MELK: variants seen among roughly 807,000 people sequenced by gnomAD.
MELK encodes the protein pEg3 kinase.
MELK carries 81 observed loss-of-function variants against 85.0 expected under a neutral mutation model. The observed-to-expected ratio is 0.95, with a 90% CI of 0.80 to 1.15. The LOEUF (loss-of-function observed/expected upper bound fraction) is 1.15, where lower values mean the gene tolerates loss of function less well. Ranked by LOEUF, MELK falls within the 50% of genes most tolerant of loss-of-function variation. The probability of loss-of-function intolerance (pLI) is 0.00; values close to 1 mark genes in which losing one functional copy is unlikely to be tolerated. For missense variants in MELK, 754 were observed against 777.5 expected (o/e 0.97, Z 0.36); for synonymous variants, 252 against 265.0 (o/e 0.95, Z 0.48).
chr9:36,659,128 G>T (rs1029298985), intron 13 of MELK, among the ~76,000 whole-genome samples: 3 of 152,018 alleles, frequency 2.0e-5, no homozygotes, highest in Admixed American at 1.3e-4. Context: ...TGATCCGCCC[G>T]CCTCGGCCTC....
At chr9:36,601,433 G>C (rs1246202603) in intron 7 of MELK, among the ~76,000 whole-genome samples, 1 of 152,024 alleles carries the variant, frequency 6.6e-6, no homozygotes, top group South Asian at 2.1e-4. Flanking sequence ...ATTAGATTCA[G>C]GTTATGTATT....
At chr9:36,607,907 T>G (rs1825712444) in intron 8 of MELK, among the ~76,000 whole-genome samples, 1 of 152,188 alleles carries the variant, frequency 6.6e-6, no homozygotes, top group African/African-American at 2.4e-5. Context: ...TTTTGCTTTC[T>G]GCGGTCTTAG....
At chr9:36,595,370 T>C (rs907969294) in intron 5 of MELK, among the ~76,000 whole-genome samples, 9 of 152,070 alleles carry the variant, frequency 5.9e-5, no homozygotes, top group African/African-American at 2.2e-4. Context: ...TCTCCTGACC[T>C]TGTGATCTGC....
intron 11 of MELK, among the ~76,000 whole-genome samples, chr9:36,643,933 C>CA (rs796275817): frequency 0.18 from 16,390 of 91,920 alleles, 1,310 homozygotes; most frequent in Non-Finnish European, 0.25. Flanking sequence ...GACTCCATCT[C>CA]AAAAAAAAAA....
At chr9:36,585,805 G>C (rs947904347) in intron 3 of MELK, among the ~76,000 whole-genome samples, 1 of 152,004 alleles carries the variant, frequency 6.6e-6, no homozygotes, top group Admixed American at 6.6e-5. Context: ...AGGTGTGGTT[G>C]TGCATGCCTG....
chr9:36,630,185 T>A, intron 8 of MELK, 114 bp from the exon 9 acceptor site: 1 of 781,954 alleles, frequency 1.3e-6, no homozygotes, highest in Non-Finnish European at 2.2e-6. Flanking sequence ...TTACCAAGTA[T>A]TGTAGTTGGG....
intron 14 of MELK, among the ~76,000 whole-genome samples, chr9:36,667,190 C>G (rs970376598): frequency 1.3e-5 from 2 of 150,500 alleles, no homozygotes; most frequent in Non-Finnish European, 3.0e-5. Flanking sequence ...GAGTCTTGCT[C>G]TGTTGCCCAG....
intron 1 of MELK, chr9:36,573,298 C>T (rs1289297468): frequency 6.6e-6 from 1 of 152,264 alleles, no homozygotes; most frequent in Non-Finnish European, 1.5e-5. Context: ...CGTGAATTCC[C>T]ATTTCCCGTT....
chr9:36,646,156 A>T (rs1830200269), intron 11 of MELK, among the ~76,000 whole-genome samples: 1 of 152,194 alleles, frequency 6.6e-6, no homozygotes, highest in Admixed American at 6.5e-5. Flanking sequence ...TCCAGGTCAG[A>T]TGTCAATAGT....
At chr9:36,655,661 T>C (rs1355474900) in intron 12 of MELK, among the ~76,000 whole-genome samples, 3 of 152,086 alleles carry the variant, frequency 2.0e-5, no homozygotes, top group African/African-American at 7.2e-5. Flanking sequence ...TAGTCAGGGG[T>C]GATATGTGTG....
intron 10 of MELK, among the ~76,000 whole-genome samples, chr9:36,640,165 G>T (rs952307866): frequency 1.3e-5 from 2 of 152,208 alleles, no homozygotes; most frequent in Non-Finnish European, 2.9e-5. Flanking sequence ...GTCTGTTTGA[G>T]CTGCTGTGAC....
chr9:36,670,052 A>G (rs1430058106), intron 15 of MELK, among the ~76,000 whole-genome samples: 1 of 152,182 alleles, frequency 6.6e-6, no homozygotes, highest in Non-Finnish European at 1.5e-5. Flanking sequence ...TTTTTCTCCC[A>G]CAGTCTGGAA....
At chr9:36,660,144 C>T (rs966616629) in intron 13 of MELK, among the ~76,000 whole-genome samples, 2 of 152,104 alleles carry the variant, frequency 1.3e-5, no homozygotes, top group Non-Finnish European at 2.9e-5. Flanking sequence ...TGGGTATGAG[C>T]ACATCCTATA....
At chr9:36,633,305 A>C in intron 10 of MELK, 105 bp downstream of exon 10, 1 of 776,010 alleles carries the variant, frequency 1.3e-6, no homozygotes, top group East Asian at 2.7e-5. Flanking sequence ...AAAATATATT[A>C]ATCAGATTGG....
At chr9:36,663,630 A>C (rs1301393771) in intron 13 of MELK, among the ~76,000 whole-genome samples, 1 of 152,136 alleles carries the variant, frequency 6.6e-6, no homozygotes, top group Admixed American at 6.5e-5. Context: ...AACATGCAAT[A>C]TTTGTCATTC....
chr9:36,608,585 CTT>C (rs555426519), intron 8 of MELK, among the ~76,000 whole-genome samples: 5 of 144,944 alleles, frequency 3.4e-5, no homozygotes, highest in Admixed American at 7.0e-5. Context: ...ATACAAACTT[CTT>C]TTTTTTTTTT....
At chr9:36,640,589 C>G (rs556825197) in intron 10 of MELK, among the ~76,000 whole-genome samples, 6 of 152,118 alleles carry the variant, frequency 3.9e-5, no homozygotes, top group African/African-American at 1.4e-4. Flanking sequence ...TAGGACTACG[C>G]ATGTGAGCCA....
chr9:36,602,487 C>CAAAAAAAAA (rs765623860), intron 7 of MELK, among the ~76,000 whole-genome samples: 1 of 41,372 alleles, frequency 2.4e-5, no homozygotes, highest in African/African-American at 8.7e-5. Flanking sequence ...AAGACTGTCT[C>CAAAAAAAAA]AAAAAAAAAA....
intron 10 of MELK, among the ~76,000 whole-genome samples, chr9:36,635,700 C>T (rs956816980): frequency 6.6e-6 from 1 of 151,602 alleles, no homozygotes; most frequent in African/African-American, 2.4e-5. Flanking sequence ...GAGAACTGGT[C>T]TAATATGCGT....
Sources: gnomAD v4.1 joint callset for allele counts (sites outside exome capture counted in the v4.1 genomes callset) on GRCh38, gnomAD v4.1.1 for gene constraint, MANE v1.5 for transcripts, NCBI Gene and HGNC (gene_info 2026-07-23, HGNC 2026-07-21) for gene names.